BRF1: variants seen among roughly 807,000 people sequenced by gnomAD.
The protein encoded by BRF1 is transcription factor IIIB 90 kDa subunit.
In BRF1, 59 loss-of-function variants were observed where a neutral mutation model predicts 81.7. That is an observed-to-expected ratio of 0.72 (90% confidence interval 0.59 to 0.90). BRF1 has a LOEUF of 0.90. BRF1 is among the 40% of genes least tolerant of loss of function. BRF1 has a pLI of 0.00. For missense variants in BRF1, 1,050 were observed against 936.3 expected, an observed-to-expected ratio of 1.12 and a Z score of -1.58; for synonymous variants, 491 against 395.6, an observed-to-expected ratio of 1.24 and a Z score of -2.86.
At chr14:105,243,700 G>A (rs377057742) in intron 5 of BRF1, among the ~76,000 whole-genome samples, 2 of 152,146 alleles carry the variant, frequency 1.3e-5, no homozygotes, top group Non-Finnish European at 2.9e-5. Context: ...AAAAACACTG[G>A]TAAATATATC....
intron 15 of BRF1, among the ~76,000 whole-genome samples, chr14:105,213,793 C>T (rs587650341): frequency 3.3e-5 from 5 of 152,302 alleles, no homozygotes; most frequent in East Asian, 1.9e-4. Context: ...CTGCAGAACC[C>T]GGCTGGAGAG....
At position 105,210,791 on chromosome 14, in the gene BRF1, C is replaced by A. The variant is rs866877236; in HGVS notation, c.1997-203G>T. ...GCACCCAGAGCAGGGCCTTGCTCCT[C>A]GTCGAGGGCACCTGAGAGCAGTGTG... On this transcript the variant is annotated intron_variant, in intron 17 of 17. Coordinates refer to ENST00000547530, the MANE Select transcript of BRF1 (RefSeq NM_001519.4). This position sits in a 1 kb window ranked among gnomAD's most constrained non-coding sequence, Gnocchi z 4.7. 6.6e-6 allele frequency among the ~76,000 whole-genome samples: 1 copy of A among 152,092 alleles called. No individual in the cohort carries two copies. Among genetic ancestry groups the A allele is most frequent in the Non-Finnish European group, 1.5e-5 (1 of 68,016 alleles).
At chr14:105,229,442 G>A (rs895216033) in intron 6 of BRF1, among the ~76,000 whole-genome samples, 3 of 152,236 alleles carry the variant, frequency 2.0e-5, no homozygotes, top group Non-Finnish European at 4.4e-5. Context: ...CGGGTAGAGT[G>A]GACTCTGTGG....
chr14:105,302,209 T>TC (rs1343432973), upstream of BRF1, among the ~76,000 whole-genome samples: 1 of 150,152 alleles, frequency 6.7e-6, no homozygotes, highest in Admixed American at 6.6e-5. Flanking sequence ...TCTTTCTTTT[T>TC]TTTTTTTTTT....
chr14:105,312,402 C>T (rs1157936929), intron 1 of BRF1, among the ~76,000 whole-genome samples: 1 of 152,240 alleles, frequency 6.6e-6, no homozygotes, highest in Admixed American at 6.5e-5. Context: ...TTCAGGTTGT[C>T]CTCCTGAGAC....
chr14:105,247,324 C>A (rs954998364), intron 5 of BRF1: 1 of 985,344 alleles, frequency 1.0e-6, no homozygotes, highest in Non-Finnish European at 1.2e-6. Flanking sequence ...TGCATTCCAC[C>A]AACACTACGT....
intron 5 of BRF1, among the ~76,000 whole-genome samples, chr14:105,244,537 G>A (rs931637191): frequency 3.3e-5 from 5 of 152,010 alleles, no homozygotes; most frequent in African/African-American, 7.3e-5. Flanking sequence ...GCGGCGGCAC[G>A]GTGGGCAAAC....
In BRF1 at chr14:105,272,703, T is replaced by G. The variant is rs768264856; in HGVS notation, c.439+18A>C. The stretch of plus-strand genomic sequence containing the variant: ...ATCAAGATGGGGCCCTCTGGGAGGC[T>G]CTCAAACCAAAGGATACGCGGCGTG... On this transcript the variant is annotated intron_variant, in intron 3 of 17. Coordinates refer to ENST00000547530, the MANE Select transcript of BRF1 (RefSeq NM_001519.4). The G allele has an allele frequency of 1.3e-6, 2 of 1,583,460 alleles. No homozygotes were observed. The highest frequency in any genetic ancestry group is 1.7e-6 in the Non-Finnish European group (2 of 1,158,350).
chr14:105,249,427 C>G, intron 5 of BRF1: 1 of 1,613,616 alleles, frequency 6.2e-7, no homozygotes, highest in Non-Finnish European at 8.5e-7. Flanking sequence ...GAAGTCAAAT[C>G]TGAAATTCAC....
chr14:105,295,008 T>A (rs1341605047), intron 1 of BRF1, among the ~76,000 whole-genome samples: 1 of 152,028 alleles, frequency 6.6e-6, no homozygotes, highest in African/African-American at 2.4e-5. Context: ...ACCAAACATT[T>A]CAGAAAGAAA....
In BRF1 at chr14:105,244,027, A is replaced by G. The variant is rs1234822755; in HGVS notation, c.545-2613T>C. Among the ~76,000 whole-genome samples the G allele has an allele frequency of 3.3e-5, 5 of 152,096 alleles. No individual in the cohort carries two copies. The South Asian group carries it at 1.0e-3, about 32-fold the overall frequency. ...ACAAACAAACAAAAAATTCAAGACA[A>G]GCCAGGCAGAGTGGCTCATACCTAC... On this transcript the variant is annotated intron_variant, in intron 5 of 17. Transcript: ENST00000547530.
chr14:105,255,877 A>C (rs1367509943), intron 4 of BRF1, among the ~76,000 whole-genome samples: 2 of 152,222 alleles, frequency 1.3e-5, no homozygotes, highest in Non-Finnish European at 2.9e-5. Context: ...CTGTGACCCC[A>C]GTACTTAGGG....
At chr14:105,250,182 T>G in intron 5 of BRF1, 1 of 1,612,978 alleles carries the variant, frequency 6.2e-7, no homozygotes, top group Non-Finnish European at 8.5e-7. Context: ...AAGCCCCGCC[T>G]GGACTTTCCC....
intron 1 of BRF1, chr14:105,314,883 G>A (rs2058497594): frequency 1.1e-6 from 1 of 941,780 alleles, no homozygotes; most frequent in African/African-American, 1.8e-5. Flanking sequence ...CCCGGCCGCA[G>A]CCCCAGGCCG....
At chr14:105,273,312 G>A (rs950352147) in intron 2 of BRF1, among the ~76,000 whole-genome samples, 11 of 152,144 alleles carry the variant, frequency 7.2e-5, no homozygotes, top group South Asian at 6.2e-4. Context: ...TTCCCCAACC[G>A]CACAGAGTCT....
intron 14 of BRF1, 88 bp from the exon 15 acceptor site, chr14:105,217,888 G>T (rs1891594573): frequency 6.4e-7 from 1 of 1,552,712 alleles, no homozygotes; most frequent in African/African-American, 1.4e-5. Flanking sequence ...AGGAGTGCAG[G>T]CGGGTGAGGC....
In BRF1 at chr14:105,248,680, C is replaced by T. The variant is rs2055335450; in HGVS notation, c.544+3827G>A. ...GCGGGGGTGGCAGGGGAGCGGGTGG[C>T]AGCCCCGCGGGTCACAGCGCCGCCG... On this transcript the variant is annotated intron_variant, in intron 5 of 17. Coordinates refer to ENST00000547530, the MANE Select transcript of BRF1 (RefSeq NM_001519.4). 1.5e-5 allele frequency: 15 copies of T among 981,886 alleles called. No homozygotes were observed. The South Asian group carries it at 6.6e-4, about 43-fold the overall frequency. The allele number at this position is 981,886 out of a possible 1,614,324, so 60.8% of individuals were successfully genotyped here.
intron 15 of BRF1, among the ~76,000 whole-genome samples, chr14:105,214,667 G>C (rs1347029568): frequency 6.6e-6 from 1 of 152,226 alleles, no homozygotes; most frequent in Non-Finnish European, 1.5e-5. Flanking sequence ...CAGCCAAAGA[G>C]AAAGGGGGTG....
chr14:105,215,412 G>C (rs977779558), intron 15 of BRF1, among the ~76,000 whole-genome samples: 2 of 151,790 alleles, frequency 1.3e-5, no homozygotes, highest in African/African-American at 4.8e-5. Flanking sequence ...TTACACACAT[G>C]CACACACACT....
Sources: gnomAD v4.1 joint callset for allele counts (sites outside exome capture counted in the v4.1 genomes callset) on GRCh38, gnomAD v4.1.1 for gene constraint, Gnocchi (gnomAD v3.1) non-coding constraint, MANE v1.5 for transcripts, NCBI Gene and HGNC (gene_info 2026-07-23, HGNC 2026-07-21) for gene names.